Variants in GTSE1 observed in about 807,000 individuals in gnomAD.
The protein encoded by GTSE1 is G2 and S phase-expressed protein 1.
A neutral mutation model predicts 60.5 loss-of-function variants in GTSE1; 52 were observed. The ratio of observed to expected loss-of-function variants is 0.86; its 90% CI spans 0.69 to 1.08. The LOEUF is 1.08. Ranked by LOEUF, GTSE1 falls within the 50% of genes least tolerant of loss-of-function variation. The pLI is 0.00. For synonymous variants in GTSE1, 368 were observed against 386.5 expected (o/e 0.95, Z 0.56); for missense variants, 937 against 961.8 (o/e 0.97, Z 0.34).
Position 46,319,296 on chromosome 22 carries a change from C to T in GTSE1, c.1432+2884C>T, listed in dbSNP as rs1364094747. On this transcript the variant is annotated intron_variant, in intron 7 of 11. Transcript: ENST00000454366. The surrounding 1 kb of genome is among the most constrained non-coding windows in gnomAD (Gnocchi z 5.0). ...GAGCGACTTGACCTTCAGAAGGTCCCTCCACAGAGGGAAGAGCAGAGTCTC... is the reference window on the plus strand; with the variant it reads ...GAGCGACTTGACCTTCAGAAGGTCCTTCCACAGAGGGAAGAGCAGAGTCTC... Among the ~76,000 whole-genome samples, 2 of 152,112 alleles carry T rather than the reference C, an allele frequency of 1.3e-5. No homozygotes were observed. The highest frequency in any genetic ancestry group is 2.9e-5 in the Non-Finnish European group (2 of 68,006).
chr22:46,313,089 G>A lies in GTSE1; in HGVS notation c.927+784G>A, dbSNP rs1280183444. Among the ~76,000 whole-genome samples, 1 of 151,062 alleles carries A rather than the reference G, an allele frequency of 6.6e-6. No homozygotes were observed. On this transcript the variant is annotated intron_variant, in intron 5 of 11. Coordinates refer to ENST00000454366, the MANE Select transcript of GTSE1 (RefSeq NM_016426.7). This position sits in a 1 kb window ranked among gnomAD's most constrained non-coding sequence, Gnocchi z 4.4. Reference sequence around the variant, plus strand: ...GAGGTGGGAGGATTGCTTGAGCCCAGGAGGTCAAGGCTGCAGTGAGCTGTG... The same window carrying A: ...GAGGTGGGAGGATTGCTTGAGCCCAAGAGGTCAAGGCTGCAGTGAGCTGTG...
chr22:46,300,135 G>A (rs988357639), intron 2 of GTSE1, among the ~76,000 whole-genome samples: 1 of 135,080 alleles, frequency 7.4e-6, no homozygotes, highest in Non-Finnish European at 1.6e-5. Context: ...GTCTCGTTCT[G>A]TCACCAGGCT....
At position 46,326,392 on chromosome 22, in the gene GTSE1, T is replaced by TCCATCCACC. The variant is rs2077843898; in HGVS notation, c.1506-44_1506-43insCCATCCACC. The TCCATCCACC allele has an allele frequency of 2.7e-6, 4 of 1,482,370 alleles. No individual in the cohort carries two copies. In the South Asian group the frequency reaches 4.9e-5, roughly 18 times the overall value. The allele number at this position is 1,482,370 out of a possible 1,614,324, so 91.8% of individuals were successfully genotyped here. ...AGGCTGAATGATGAGATCTTACTTT[T>TCCATCCACC]TCTATGTCATCTCAGCTCACGACAC... On this transcript the variant is annotated intron_variant, in intron 8 of 11. Transcript: ENST00000454366.
rs182717487 is a variant in GTSE1 at position 46,310,214 on chromosome 22, A to G, written c.762+1271A>G. Among the ~76,000 whole-genome samples, 1 of 152,224 alleles carries G rather than the reference A, an allele frequency of 6.6e-6. No individual in the cohort carries two copies. The highest frequency in any genetic ancestry group is 1.5e-5 in the Non-Finnish European group (1 of 68,032). On this transcript the variant is annotated intron_variant, in intron 4 of 11. Transcript: ENST00000454366. The surrounding 1 kb of genome is among the most constrained non-coding windows in gnomAD (Gnocchi z 4.4). ...GGTGGACCACTTGAGTGTAACACCTACTTACAAGTGTGCTTGACAGAGAAC... is the reference window on the plus strand; with the variant it reads ...GGTGGACCACTTGAGTGTAACACCTGCTTACAAGTGTGCTTGACAGAGAAC...
At chr22:46,323,806 G>A in intron 8 of GTSE1, among the ~76,000 whole-genome samples, 1 of 152,116 alleles carries the variant, frequency 6.6e-6, no homozygotes, top group Non-Finnish European at 1.5e-5. Context: ...TCCTGCCTCA[G>A]CCTCCCTAGT....
Position 46,309,138 on chromosome 22 carries a change from C to G in GTSE1, c.762+195C>G, listed in dbSNP as rs556272956. The stretch of plus-strand genomic sequence containing the variant: ...GGTGGCTTGGATAAGTTGGGTTGAC[C>G]TAATATTTCCTCCTAAATTCTGTCT... On this transcript the variant is annotated intron_variant, in intron 4 of 11. Transcript: ENST00000454366. This position sits in a 1 kb window ranked among gnomAD's most constrained non-coding sequence, Gnocchi z 6.2. Among the ~76,000 whole-genome samples the G allele has an allele frequency of 6.6e-6, 1 of 152,216 alleles. No individual in the cohort carries two copies. The highest frequency in any genetic ancestry group is 1.5e-5 in the Non-Finnish European group (1 of 68,044).
In GTSE1 at chr22:46,328,866, G is replaced by T. The variant is rs561960556; in HGVS notation, c.1903G>T (p.Gly635Cys). The T allele has an allele frequency of 6.2e-6, 10 of 1,613,594 alleles. No homozygotes were observed. In the Admixed American group the frequency reaches 1.0e-4, roughly 16 times the overall value. Residue 635 changes from glycine to cysteine, a missense_variant, in exon 10 of 12, where the codon GGT becomes TGT. Physicochemically the swap from Gly to Cys is radical, Grantham distance 159. Coordinates refer to ENST00000454366, the MANE Select transcript of GTSE1 (RefSeq NM_016426.7). ...AGTAGCTCGGGAGGAAGCCAAGCCG[G>T]GTGGAGATGCAGCCCCTAGTGAGGT... ...TEVAREEAKPGGDAAPSEALL... is the reference protein window; with the variant it reads ...TEVAREEAKPCGDAAPSEALL...
At chr22:46,299,348 G>A (rs1453806996) in intron 2 of GTSE1, among the ~76,000 whole-genome samples, 1 of 152,244 alleles carries the variant, frequency 6.6e-6, no homozygotes, top group African/African-American at 2.4e-5. Flanking sequence ...GTTTTGTCTT[G>A]AGCGCAGCCT....
At chr22:46,322,444 C>T (rs1353902675) in intron 7 of GTSE1, among the ~76,000 whole-genome samples, 1 of 152,164 alleles carries the variant, frequency 6.6e-6, no homozygotes, top group Non-Finnish European at 1.5e-5. Flanking sequence ...GGTCCTGGTG[C>T]CTGAGGCTTT....
chr22:46,319,750 C>A lies in GTSE1; in HGVS notation c.1432+3338C>A, dbSNP rs934943155. Among the ~76,000 whole-genome samples the A allele has an allele frequency of 6.6e-6, 1 of 152,012 alleles. No homozygotes were observed. Among genetic ancestry groups the A allele is most frequent in the African/African-American group, 2.4e-5 (1 of 41,398 alleles). On this transcript the variant is annotated intron_variant, in intron 7 of 11. Coordinates refer to ENST00000454366, the MANE Select transcript of GTSE1 (RefSeq NM_016426.7). This position sits in a 1 kb window ranked among gnomAD's most constrained non-coding sequence, Gnocchi z 5.0. ...CCTGTAATCCTAGCACTTTGGGAGG[C>A]CGAGGTGAGCAGATCACCTGAGGTC... is the stretch of plus-strand genomic sequence containing the variant.
Position 46,309,766 on chromosome 22 carries a change from G to A in GTSE1, c.762+823G>A, listed in dbSNP as rs558203905. The stretch of plus-strand genomic sequence containing the variant: ...CGCCACACACTGCCCTTGACAAGGA[G>A]GTATGCCCGGCACTGCCACCCCCAA... On this transcript the variant is annotated intron_variant, in intron 4 of 11. Coordinates refer to ENST00000454366, the MANE Select transcript of GTSE1 (RefSeq NM_016426.7). This position sits in a 1 kb window ranked among gnomAD's most constrained non-coding sequence, Gnocchi z 6.2. Among the ~76,000 whole-genome samples, 1 of 152,338 alleles carries A rather than the reference G, an allele frequency of 6.6e-6. No homozygotes were observed. The highest frequency in any genetic ancestry group is 6.5e-5 in the Admixed American group (1 of 15,294).
rs746741589 is a variant in GTSE1 at position 46,323,272 on chromosome 22, G to C, written c.1505+10G>C. 1 of 1,603,336 alleles carries C rather than the reference G, an allele frequency of 6.2e-7. No homozygotes were observed. Among genetic ancestry groups the C allele is most frequent in the Non-Finnish European group, 8.5e-7 (1 of 1,170,504 alleles). ...GCACGTCAGTTGGCAGGTGAGTGAC[G>C]TTGGTCCGCTTCCTCTCTTTATTGC... is the stretch of plus-strand genomic sequence containing the variant. On this transcript the variant is annotated intron_variant, in intron 8 of 11. Transcript: ENST00000454366.
rs181308858 is a variant in GTSE1 at position 46,312,786 on chromosome 22, G to A, written c.927+481G>A. ...GCTGTGTGGGTTGGGAAAAGTCAGC[G>A]TCTCGGAGCCCCAGTTTGTAGGTGG... On this transcript the variant is annotated intron_variant, in intron 5 of 11. Transcript: ENST00000454366. Among the ~76,000 whole-genome samples, 1,006 of 152,260 alleles carry A rather than the reference G, an allele frequency of 6.6e-3. 7 individuals carry two copies. Among genetic ancestry groups the A allele is most frequent in the Middle Eastern group, 0.034 (10 of 294 alleles).
rs2077824083 is a variant in GTSE1 at position 46,323,220 on chromosome 22, T to C, written c.1463T>C (p.Leu488Pro). ...GDSPDSSTPK[L>P]SRAQRPQSCT... ...TCCCCGGACAGCTCAACACCAAAGCTTTCGCGGGCACAGCGGCCGCAGTCG... is the reference window on the plus strand; with the variant it reads ...TCCCCGGACAGCTCAACACCAAAGCCTTCGCGGGCACAGCGGCCGCAGTCG... Residue 488 changes from leucine to proline, a missense_variant, in exon 8 of 12, where the codon CTT (leucine) becomes CCT (proline). By Grantham distance (98) the Leu-to-Pro change is moderately conservative. Coordinates refer to ENST00000454366, the MANE Select transcript of GTSE1 (RefSeq NM_016426.7). The C allele has an allele frequency of 6.2e-7, 1 of 1,614,116 alleles. No homozygotes were observed. The highest frequency in any genetic ancestry group is 1.1e-5 in the South Asian group (1 of 91,082).
Position 46,313,965 on chromosome 22 carries a change from G to T in GTSE1, c.1003G>T (p.Val335Phe). The part of the protein sequence containing the change: ...NLARKSSSGP[V>F]WSGASSACTS... ...CGCAAGGAAGTCCTCCTCGGGGCCT[G>T]TTTGGAGCGGGGCATCCAGTGCGTG... The change falls in exon 6 of 12, where the codon GTT becomes TTT. Residue 335 changes from valine to phenylalanine, a missense_variant. By Grantham distance (50) the Val-to-Phe change is conservative (BLOSUM62 -1). Transcript: ENST00000454366. The surrounding 1 kb of genome is among the most constrained non-coding windows in gnomAD (Gnocchi z 4.4). 2 of 1,614,230 alleles carry T rather than the reference G, an allele frequency of 1.2e-6. No individual in the cohort carries two copies. Among genetic ancestry groups the T allele is most frequent in the Non-Finnish European group, 1.7e-6 (2 of 1,180,020 alleles).
At chr22:46,322,585 G>A (rs2077819763) in intron 7 of GTSE1, among the ~76,000 whole-genome samples, 4 of 152,234 alleles carry the variant, frequency 2.6e-5, no homozygotes, top group Admixed American at 2.6e-4. Flanking sequence ...TGGGGCCTGT[G>A]TTGGGCCTTA....
intron 8 of GTSE1, 99 bp downstream of exon 8, chr22:46,323,361 A>G (rs2077825342): frequency 1.1e-6 from 1 of 922,038 alleles, no homozygotes; most frequent in East Asian, 2.4e-5. Flanking sequence ...TGGCCTGCGC[A>G]TCTGGCTTCC....
chr22:46,323,965 T>C (rs948880615), intron 8 of GTSE1, among the ~76,000 whole-genome samples: 8 of 152,200 alleles, frequency 5.3e-5, no homozygotes, highest in Non-Finnish European at 8.8e-5. Context: ...GTGCTGGGAT[T>C]ATAGGCGTGA....
In GTSE1 at chr22:46,313,376, C is replaced by T. The variant is rs933663103; in HGVS notation, c.928-514C>T. On this transcript the variant is annotated intron_variant, in intron 5 of 11. Transcript: ENST00000454366. The surrounding 1 kb of genome is among the most constrained non-coding windows in gnomAD (Gnocchi z 4.4). ...TTGGGGCCCCAAATCTGCATTTCTGCTAGCTCCCTAATGTGGTCCTCATGC... is the reference window on the plus strand; with the variant it reads ...TTGGGGCCCCAAATCTGCATTTCTGTTAGCTCCCTAATGTGGTCCTCATGC... Among the ~76,000 whole-genome samples, 3 of 152,202 alleles carry T rather than the reference C, an allele frequency of 2.0e-5. No homozygotes were observed. In the South Asian group the frequency reaches 6.2e-4, roughly 31 times the overall value.
Sources: gnomAD v4.1 joint callset for allele counts (sites outside exome capture counted in the v4.1 genomes callset) on GRCh38, gnomAD v4.1.1 for gene constraint, Gnocchi (gnomAD v3.1) non-coding constraint, MANE v1.5 for transcripts, NCBI Gene and HGNC (gene_info 2026-07-23, HGNC 2026-07-21) for gene names.